Variants in LCK observed in about 807,000 individuals in gnomAD.
LCK encodes tyrosine-protein kinase Lck.
In LCK, 14 loss-of-function variants were observed where a neutral mutation model predicts 64.6. The ratio of observed to expected loss-of-function variants is 0.22; its 90% CI spans 0.14 to 0.34. LCK has a LOEUF of 0.34. Among genes scored for constraint, LCK ranks in the 10% least tolerant of loss-of-function variants. The probability of loss-of-function intolerance (pLI) is 1.00; values close to 1 mark genes in which losing one functional copy is unlikely to be tolerated. For synonymous variants in LCK, 277 were observed against 263.6 expected (o/e 1.05, Z -0.49); for missense variants, 434 against 668.1 (o/e 0.65, Z 3.86).
chr1:32,260,308 G>C (rs995845780), intron 1 of LCK, among the ~76,000 whole-genome samples: 1 of 152,102 alleles, frequency 6.6e-6, no homozygotes, highest in Non-Finnish European at 1.5e-5. Flanking sequence ...ACTGCGCCTG[G>C]CCTTTTATTT....
At chr1:32,279,012 C>T (rs981803732) in intron 9 of LCK, among the ~76,000 whole-genome samples, 3 of 152,172 alleles carry the variant, frequency 2.0e-5, no homozygotes, top group African/African-American at 4.8e-5. Context: ...ATATATTCAG[C>T]ACATAGTTAT....
At chr1:32,270,923 C>T (rs1569939360) in intron 1 of LCK, among the ~76,000 whole-genome samples, 1 of 145,492 alleles carries the variant, frequency 6.9e-6, no homozygotes, top group African/African-American at 2.6e-5. Context: ...AGGATGGTCT[C>T]GATCCCTTAA....
chr1:32,258,803 C>CAA (rs58703501), intron 1 of LCK, among the ~76,000 whole-genome samples: 33 of 60,610 alleles, frequency 5.4e-4, no homozygotes, highest in East Asian at 1.6e-3. Context: ...GACTCCGTCT[C>CAA]AAAAAAAAAA....
rs4012161 is a variant in LCK, at chr1:32,251,894, AAGAGAGAGAGAGAGAGAGAG to A, written c.-6+547_-6+566del. Among the ~76,000 whole-genome samples, 2 of 132,342 alleles carry A rather than the reference AAGAGAGAGAGAGAGAGAGAG, an allele frequency of 1.5e-5. No individual in the cohort carries two copies. The highest frequency in any genetic ancestry group is 5.7e-5 in the African/African-American group (2 of 35,246). The allele number at this position is 132,342 out of a possible 152,430, so 86.8% of individuals were successfully genotyped here. ...CCCCAGTGACAAGAATCTCCTGAGA[AAGAGAGAGAGAGAGAGAGAG>A]AGAGAGAGAGAGAGAGAGAGAGACA... is the stretch of plus-strand genomic sequence containing the variant. On this transcript the variant is annotated intron_variant, in intron 1 of 12. Transcript: ENST00000336890. The surrounding 1 kb of genome is among the most constrained non-coding windows in gnomAD (Gnocchi z 4.0).
At position 32,274,730 on chromosome 1, in the gene LCK, T is replaced by G; in HGVS notation, c.106-7T>G. ...TTCTGACCCCACCCTCATCCCCCAC[T>G]CCACAGCTGCTCATCCGAAATGGCT... is the stretch of plus-strand genomic sequence containing the variant. On this transcript the variant is annotated splice_region_variant and splice_polypyrimidine_tract_variant and intron_variant, in intron 2 of 12. Coordinates refer to ENST00000336890, the MANE Select transcript of LCK (RefSeq NM_005356.5). The G allele has an allele frequency of 1.3e-6, 2 of 1,574,812 alleles. No individual in the cohort carries two copies. Among genetic ancestry groups the G allele is most frequent in the Non-Finnish European group, 1.7e-6 (2 of 1,157,928 alleles).
At chr1:32,256,177 C>T (rs1639628220) in intron 1 of LCK, among the ~76,000 whole-genome samples, 1 of 151,850 alleles carries the variant, frequency 6.6e-6, no homozygotes, top group African/African-American at 2.4e-5. Flanking sequence ...CTTGCTCTGT[C>T]ACCCAGGCTG....
In LCK at chr1:32,276,311, C is replaced by G. The variant is rs1283178552; in HGVS notation, c.632-26C>G. The G allele has an allele frequency of 2.9e-5, 44 of 1,537,124 alleles. No homozygotes were observed. The highest frequency in any genetic ancestry group is 3.8e-5 in the Non-Finnish European group (44 of 1,144,904). Reference sequence around the variant, plus strand: ...AATACGAGGCCTGCCCTATTGACAGCCTTCACCCCTCCCTCGTCCTCGCAG... The same window carrying G: ...AATACGAGGCCTGCCCTATTGACAGGCTTCACCCCTCCCTCGTCCTCGCAG... On this transcript the variant is annotated intron_variant, in intron 7 of 12. Transcript: ENST00000336890. The surrounding 1 kb of genome is among the most constrained non-coding windows in gnomAD (Gnocchi z 4.6).
intron 1 of LCK, 22 bp from the exon 2 acceptor site, chr1:32,274,303 G>T (rs770497659): frequency 3.7e-6 from 6 of 1,613,932 alleles, no homozygotes; most frequent in Non-Finnish European, 5.1e-6. Flanking sequence ...AGCCCCTTCA[G>T]CCCCCTCTTC....
At chr1:32,272,635 G>GAGAGAA (rs1425468591) in intron 1 of LCK, among the ~76,000 whole-genome samples, 19 of 147,292 alleles carry the variant, frequency 1.3e-4, no homozygotes, top group African/African-American at 4.6e-4. Context: ...GAGAGAGAGA[G>GAGAGAA]AGAGAGAGAG....
chr1:32,251,894 A>AAG lies in LCK; in HGVS notation c.-6+565_-6+566dup, dbSNP rs4012161. Among the ~76,000 whole-genome samples, 10,628 of 132,176 alleles carry AAG rather than the reference A, an allele frequency of 0.08. 503 individuals are homozygous for AAG. The highest frequency in any genetic ancestry group is 0.14 in the Admixed American group (1,805 of 13,150). 86.7% of individuals were successfully genotyped at this position (132,176 alleles called of 152,430 possible). A position where few individuals can be genotyped will look rare whatever the true frequency, so the allele number is the denominator to read the frequency against. On this transcript the variant is annotated intron_variant, in intron 1 of 12. Coordinates refer to ENST00000336890, the MANE Select transcript of LCK (RefSeq NM_005356.5). This position sits in a 1 kb window ranked among gnomAD's most constrained non-coding sequence, Gnocchi z 4.0. ...CCCCAGTGACAAGAATCTCCTGAGAAAGAGAGAGAGAGAGAGAGAGAGAGA... is the reference window on the plus strand; with the variant it reads ...CCCCAGTGACAAGAATCTCCTGAGAAAGAGAGAGAGAGAGAGAGAGAGAGAGA...
At position 32,276,257 on chromosome 1, in the gene LCK, G is replaced by A; in HGVS notation, c.632-80G>A. The A allele has an allele frequency of 6.7e-7, 1 of 1,502,922 alleles. No homozygotes were observed. Among genetic ancestry groups the A allele is most frequent in the Non-Finnish European group, 8.9e-7 (1 of 1,127,510 alleles). The allele number at this position is 1,502,922 out of a possible 1,614,324, so 93.1% of individuals were successfully genotyped here. A position where few individuals can be genotyped will look rare whatever the true frequency, so the allele number is the denominator to read the frequency against. On this transcript the variant is annotated intron_variant, in intron 7 of 12. Transcript: ENST00000336890. The surrounding 1 kb of genome is among the most constrained non-coding windows in gnomAD (Gnocchi z 4.6). ...TTGCTAGTCCACTTCACCTAGATGG[G>A]GGCTTGGAGAAGTGGGGGAGGTGGT...
In LCK at chr1:32,279,722, A is replaced by G. The variant is rs1258114778; in HGVS notation, c.1016A>G (p.Asn339Ser). 4.3e-6 allele frequency: 7 copies of G among 1,613,126 alleles called. No homozygotes were observed. In the East Asian group the frequency reaches 8.9e-5, roughly 21 times the overall value. ...CCTTCAGGCATCAAGTTGACCATCA[A>G]CAAACTCCTGGACATGGCAGCCCAA... The part of the protein sequence containing the change: ...KTPSGIKLTI[N>S]KLLDMAAQIA... Residue 339 changes from asparagine to serine, a missense_variant, in exon 10 of 13, where the codon AAC (asparagine) becomes AGC (serine). Transcript: ENST00000336890.
intron 9 of LCK, among the ~76,000 whole-genome samples, chr1:32,278,268 TAAGATCTA>T (rs1434950758): frequency 6.6e-6 from 1 of 152,182 alleles, no homozygotes; most frequent in Non-Finnish European, 1.5e-5. Flanking sequence ...TTTGGGAGTG[TAAGATCTA>T]TCCTTTTTTC....
intron 1 of LCK, among the ~76,000 whole-genome samples, chr1:32,265,798 T>C (rs1407245278): frequency 6.6e-6 from 1 of 152,114 alleles, no homozygotes; most frequent in Non-Finnish European, 1.5e-5. Flanking sequence ...TGTTGCACCA[T>C]AGTTTATCTC....
chr1:32,263,116 G>A lies in LCK; in HGVS notation c.-5-11209G>A, dbSNP rs186843120. Among the ~76,000 whole-genome samples, 823 of 152,314 alleles carry A rather than the reference G, an allele frequency of 5.4e-3. 7 individuals are homozygous for A. Among genetic ancestry groups the A allele is most frequent in the African/African-American group, 0.019 (787 of 41,578 alleles). The stretch of plus-strand genomic sequence containing the variant: ...TGATTATAAAAAGGCCACAGGCCAG[G>A]TCTGGTGACTCATGCCTGTCATCCC... On this transcript the variant is annotated intron_variant, in intron 1 of 12. Transcript: ENST00000336890.
intron 9 of LCK, 178 bp from the exon 10 acceptor site, chr1:32,279,493 C>T (rs893146464): frequency 8.0e-7 from 1 of 1,247,554 alleles, no homozygotes; most frequent in South Asian, 1.5e-5. Context: ...AGCCCCTCTG[C>T]AAAAAAACCT....
intron 1 of LCK, among the ~76,000 whole-genome samples, chr1:32,254,516 T>C (rs1639582573): frequency 6.6e-6 from 1 of 151,996 alleles, no homozygotes; most frequent in Admixed American, 6.6e-5. Context: ...GGTTTGTTTG[T>C]TTTTTGTTTT....
chr1:32,263,413 A>C (rs1639832857), intron 1 of LCK, among the ~76,000 whole-genome samples: 1 of 135,708 alleles, frequency 7.4e-6, no homozygotes, highest in African/African-American at 3.1e-5. Flanking sequence ...AAATAAATAA[A>C]TAAATAAATA....
chr1:32,276,771 G>A lies in LCK; in HGVS notation c.949G>A (p.Glu317Lys). 1.2e-6 allele frequency: 2 copies of A among 1,606,332 alleles called. No individual in the cohort carries two copies. The highest frequency in any genetic ancestry group is 4.5e-5 in the East Asian group (2 of 44,646). The change falls in exon 9 of 13, where the codon GAA (glutamate) becomes AAA (lysine). Residue 317 changes from glutamate to lysine, a missense_variant. Glu to Lys is a moderately conservative substitution (Grantham distance 56). Transcript: ENST00000336890. The surrounding 1 kb of genome is among the most constrained non-coding windows in gnomAD (Gnocchi z 4.6). Reference sequence around the variant, plus strand: ...CCAGGAGCCCATCTACATCATCACTGAATACATGGAGAATGGTGGGTGCTA... The same window carrying A: ...CCAGGAGCCCATCTACATCATCACTAAATACATGGAGAATGGTGGGTGCTA... Reference protein sequence around the residue: ...VTQEPIYIITEYMENGSLVDF... With the variant: ...VTQEPIYIITKYMENGSLVDF...
Sources: gnomAD v4.1 joint callset for allele counts (sites outside exome capture counted in the v4.1 genomes callset) on GRCh38, gnomAD v4.1.1 for gene constraint, Gnocchi (gnomAD v3.1) non-coding constraint, MANE v1.5 for transcripts, NCBI Gene and HGNC (gene_info 2026-07-23, HGNC 2026-07-21) for gene names.